The following GAL3ST2 variants were observed in gnomAD, a reference collection of about 807,000 sequenced individuals.
The protein encoded by GAL3ST2 is beta-galactose-3-O-sulfotransferase 2.
GAL3ST2 carries 16 observed loss-of-function variants against 12.9 expected under a neutral mutation model. The observed-to-expected ratio is 1.24, with a 90% CI of 0.84 to 1.88. GAL3ST2 has a LOEUF of 1.88. GAL3ST2 is among the 40% of genes most tolerant of loss of function. The probability of loss-of-function intolerance (pLI) is 0.00; values close to 1 mark genes in which losing one functional copy is unlikely to be tolerated. For missense variants in GAL3ST2, 639 were observed against 571.8 expected, an observed-to-expected ratio of 1.12 and a Z score of -1.20; for synonymous variants, 302 against 273.9, an observed-to-expected ratio of 1.10 and a Z score of -1.01.
rs1378336021 is a variant in GAL3ST2 at position 241,800,929 on chromosome 2, T to C, written c.120-852T>C. 6.6e-6 allele frequency: 1 copy of C among 152,226 alleles called. No homozygotes were observed. The highest frequency in any genetic ancestry group is 1.5e-5 in the Non-Finnish European group (1 of 68,046). 9.4% of individuals were successfully genotyped at this position (152,226 alleles called of 1,614,324 possible). A position where few individuals can be genotyped will look rare whatever the true frequency, so the allele number is the denominator to read the frequency against. ...GGCCACAGTCAGTTCTGCTGGGCCA[T>C]GGTCTCCTTTTATTTTTTAATTTTT... On this transcript the variant is annotated intron_variant, in intron 2 of 3. Transcript: ENST00000192314. The surrounding 1 kb of genome is among the most constrained non-coding windows in gnomAD (Gnocchi z 5.2).
chr2:241,777,010 G>C lies in GAL3ST2; in HGVS notation c.29+26G>C, dbSNP rs377747592. 46 of 1,487,982 alleles carry C rather than the reference G, an allele frequency of 3.1e-5. 1 individual carries two copies. Among genetic ancestry groups the C allele is most frequent in the Non-Finnish European group, 3.8e-5 (42 of 1,109,840 alleles). 92.2% of individuals were successfully genotyped at this position (1,487,982 alleles called of 1,614,324 possible). A position where few individuals can be genotyped will look rare whatever the true frequency, so the allele number is the denominator to read the frequency against. On this transcript the variant is annotated intron_variant, in intron 1 of 3. Coordinates refer to ENST00000192314, the MANE Select transcript of GAL3ST2 (RefSeq NM_022134.3). ...GTAAGGGGGGCAGTTGGACCCCCCA[G>C]GTGGACAAAGCGCTTCATCTGTGGC...
Position 241,793,626 on chromosome 2 carries a change from ATTGT to A in GAL3ST2, c.30-5438_30-5435del, listed in dbSNP as rs1331616730. Reference sequence around the variant, plus strand: ...ATGTGTGTGTATTGTGTGTGTACATATTGTGTTTGTGTGTACATATTGTGTATGC... The same window carrying A: ...ATGTGTGTGTATTGTGTGTGTACATAGTTTGTGTGTACATATTGTGTATGC... On this transcript the variant is annotated intron_variant, in intron 1 of 3. Transcript: ENST00000192314. This position sits in a 1 kb window ranked among gnomAD's most constrained non-coding sequence, Gnocchi z 4.7. Among the ~76,000 whole-genome samples the A allele has an allele frequency of 1.8e-5, 2 of 113,950 alleles. No homozygotes were observed. Among genetic ancestry groups the A allele is most frequent in the Non-Finnish European group, 3.4e-5 (2 of 59,586 alleles). 74.8% of individuals were successfully genotyped at this position (113,950 alleles called of 152,430 possible).
At position 241,801,704 on chromosome 2, in the gene GAL3ST2, C is replaced by T. The variant is rs577777347; in HGVS notation, c.120-77C>T. 24 of 1,510,188 alleles carry T rather than the reference C, an allele frequency of 1.6e-5. No homozygotes were observed. Among genetic ancestry groups the T allele is most frequent in the South Asian group, 1.4e-4 (11 of 78,966 alleles). 93.5% of individuals were successfully genotyped at this position (1,510,188 alleles called of 1,614,324 possible). A position where few individuals can be genotyped will look rare whatever the true frequency, so the allele number is the denominator to read the frequency against. ...TTGGGAGGTCTCTCCTTGCGGTTGC[C>T]GGGCTGGGGGTCGCTGTTGGGCGGG... On this transcript the variant is annotated intron_variant, in intron 2 of 3. Transcript: ENST00000192314. This position sits in a 1 kb window ranked among gnomAD's most constrained non-coding sequence, Gnocchi z 4.4.
intron 1 of GAL3ST2, among the ~76,000 whole-genome samples, chr2:241,786,468 C>T (rs999170679): frequency 1.3e-5 from 2 of 152,098 alleles, no homozygotes; most frequent in East Asian, 1.9e-4. Flanking sequence ...CAGGCTGATA[C>T]TCTCTACCAT....
In GAL3ST2 at chr2:241,801,523, CGGG is replaced by C; in HGVS notation, c.120-255_120-253del. The C allele has an allele frequency of 3.6e-6, 2 of 548,828 alleles. No individual in the cohort carries two copies. Among genetic ancestry groups the C allele is most frequent in the Non-Finnish European group, 6.4e-6 (2 of 314,188 alleles). 34.0% of individuals were successfully genotyped at this position (548,828 alleles called of 1,614,324 possible). ...CATTTAGGGTTTTATTTTTAGTTCT[CGGG>C]GGCACAGGGTTGGGGGAGCATGGTT... On this transcript the variant is annotated intron_variant, in intron 2 of 3. Coordinates refer to ENST00000192314, the MANE Select transcript of GAL3ST2 (RefSeq NM_022134.3). The surrounding 1 kb of genome is among the most constrained non-coding windows in gnomAD (Gnocchi z 4.4).
intron 1 of GAL3ST2, among the ~76,000 whole-genome samples, chr2:241,787,540 C>CCTT (rs1553615867): frequency 7.3e-6 from 1 of 136,274 alleles, no homozygotes; most frequent in Non-Finnish European, 1.6e-5. Flanking sequence ...ACTTCTCCTC[C>CCTT]TTTTTTTTTT....
At chr2:241,777,436 G>C (rs1050294272) in intron 1 of GAL3ST2, among the ~76,000 whole-genome samples, 1 of 152,158 alleles carries the variant, frequency 6.6e-6, no homozygotes, top group Admixed American at 6.5e-5. Context: ...GGGTGGTGAC[G>C]GGGAGGCTGG....
chr2:241,786,302 AAAC>A (rs200893227), intron 1 of GAL3ST2, among the ~76,000 whole-genome samples: 9 of 152,266 alleles, frequency 5.9e-5, no homozygotes, highest in South Asian at 2.1e-4. Flanking sequence ...AAACAGAGAC[AAAC>A]AACAACAACA....
intron 1 of GAL3ST2, among the ~76,000 whole-genome samples, chr2:241,796,965 G>A (rs530773342): frequency 2.0e-5 from 3 of 152,316 alleles, no homozygotes; most frequent in East Asian, 1.9e-4. Context: ...GGGCTGCCCC[G>A]TTTGCTGTTA....
At chr2:241,787,470 C>T (rs575913640) in intron 1 of GAL3ST2, among the ~76,000 whole-genome samples, 114 of 151,928 alleles carry the variant, frequency 7.5e-4, no homozygotes, top group Non-Finnish European at 1.4e-3. Flanking sequence ...GGAGCACCCC[C>T]TCCAGAGACT....
At position 241,803,665 on chromosome 2, in the gene GAL3ST2, G is replaced by C. The variant is rs780111698; in HGVS notation, c.696G>C (p.Glu232Asp). 1 of 1,549,158 alleles carries C rather than the reference G, an allele frequency of 6.5e-7. No homozygotes were observed. The highest frequency in any genetic ancestry group is 1.2e-5 in the South Asian group (1 of 84,068). Residue 232 changes from glutamate (E) to aspartate (D), a missense_variant, in exon 4 of 4, where the codon GAG becomes GAC. Transcript: ENST00000192314. ...TGCTCATCGCCGAGCACCTGGACGA[G>C]TCCCTGGTGCTGCTGCGGCGCCGGC... ...RLVLIAEHLDESLVLLRRRLR... is the reference protein window; with the variant it reads ...RLVLIAEHLDDSLVLLRRRLR...
At chr2:241,777,885 C>A (rs760020829) in intron 1 of GAL3ST2, among the ~76,000 whole-genome samples, 3 of 152,154 alleles carry the variant, frequency 2.0e-5, no homozygotes, top group Non-Finnish European at 2.9e-5. Flanking sequence ...CCCTGGGGCC[C>A]CCCGAGGTCG....
rs1310370512 is a variant in GAL3ST2, at chr2:241,803,819, G to C, written c.850G>C (p.Glu284Gln). The C allele has an allele frequency of 3.3e-6, 5 of 1,493,816 alleles. No homozygotes were observed. The highest frequency in any genetic ancestry group is 2.4e-5 in the Admixed American group (1 of 41,510). The allele number at this position is 1,493,816 out of a possible 1,614,324, so 92.5% of individuals were successfully genotyped here. ...SWCALDWRLY[E>Q]HFNRTLWAQL... Reference sequence around the variant, plus strand: ...GTGCGCGCTGGACTGGCGCCTGTACGAGCATTTCAACCGCACCCTCTGGGC... The same window carrying C: ...GTGCGCGCTGGACTGGCGCCTGTACCAGCATTTCAACCGCACCCTCTGGGC... The change falls in exon 4 of 4, where the codon GAG becomes CAG. Residue 284 changes from glutamate to glutamine, a missense_variant. Transcript: ENST00000192314.
chr2:241,796,012 G>C (rs1404758364), intron 1 of GAL3ST2, among the ~76,000 whole-genome samples: 1 of 152,224 alleles, frequency 6.6e-6, no homozygotes, highest in East Asian at 1.9e-4. Flanking sequence ...GGTGGCACTG[G>C]CATTGGAGTC....
At chr2:241,777,038 T>C in intron 1 of GAL3ST2, 54 bp downstream of exon 1, 1 of 1,405,766 alleles carries the variant, frequency 7.1e-7, no homozygotes, top group Non-Finnish European at 9.4e-7. Context: ...TCTGTGGCTA[T>C]TCTGAGAGAC....
intron 1 of GAL3ST2, among the ~76,000 whole-genome samples, chr2:241,794,534 C>G (rs1699747591): frequency 1.3e-5 from 2 of 152,248 alleles, no homozygotes; most frequent in Non-Finnish European, 1.5e-5. Flanking sequence ...CCTGCCTGAT[C>G]AGGAACCATC....
chr2:241,803,490 C>A lies in GAL3ST2; in HGVS notation c.521C>A (p.Pro174Gln). Residue 174 changes from proline (P) to glutamine (Q), a missense_variant, in exon 4 of 4, where the codon CCG (proline) becomes CAG (glutamine). Physicochemically the swap from Pro to Gln is moderately conservative, Grantham distance 76 (BLOSUM62 -1). Transcript: ENST00000192314. ...AGCCTGGACGCGTTCCTGGCCTCGC[C>A]GCGGACGTTCTACAACGACAGCCGC... ...APSLDAFLAS[P>Q]RTFYNDSRHL... is the part of the protein sequence containing the mutation. The A allele has an allele frequency of 1.2e-6, 2 of 1,611,632 alleles. No homozygotes were observed. Among genetic ancestry groups the A allele is most frequent in the South Asian group, 1.1e-5 (1 of 90,774 alleles).
In GAL3ST2 at chr2:241,803,416, C is replaced by T. The variant is rs1203290530; in HGVS notation, c.447C>T (p.Ser149=). Residue 149 remains serine (S), a synonymous_variant, in exon 4 of 4, where the codon TCC becomes TCT. Transcript: ENST00000192314. ...ILRNPVFQLE[S]SFIYYKTYAP... ...GGAACCCCGTGTTCCAGCTGGAGTC[C>T]TCCTTCATCTACTACAAAACCTACG... The T allele has an allele frequency of 1.2e-6, 2 of 1,612,714 alleles. No homozygotes were observed. The highest frequency in any genetic ancestry group is 2.7e-5 in the African/African-American group (2 of 75,038).
rs1487047073 is a variant in GAL3ST2 at position 241,795,738 on chromosome 2, CAT to C, written c.30-3326_30-3325del. ...GGGGCCTCGTTTGGGTTTGGGAAAA[CAT>C]GTCCTCTCTCACGAAGACGTGGGTG... On this transcript the variant is annotated intron_variant, in intron 1 of 3. Transcript: ENST00000192314. The surrounding 1 kb of genome is among the most constrained non-coding windows in gnomAD (Gnocchi z 4.5). Among the ~76,000 whole-genome samples, 2 of 152,382 alleles carry C rather than the reference CAT, an allele frequency of 1.3e-5. No homozygotes were observed. Among genetic ancestry groups the C allele is most frequent in the Admixed American group, 6.5e-5 (1 of 15,312 alleles).
Sources: gnomAD v4.1 joint callset for allele counts (sites outside exome capture counted in the v4.1 genomes callset) on GRCh38, gnomAD v4.1.1 for gene constraint, Gnocchi (gnomAD v3.1) non-coding constraint, MANE v1.5 for transcripts, NCBI Gene and HGNC (gene_info 2026-07-23, HGNC 2026-07-21) for gene names.